The following KLF8 variants were observed in gnomAD, a reference collection of about 807,000 sequenced individuals.
KLF8 encodes the protein KLF transcription factor 8.
KLF8 carries 10 observed loss-of-function variants against 18.2 expected under a neutral mutation model. The ratio of observed to expected loss-of-function variants is 0.55; its 90% CI spans 0.34 to 0.93. KLF8 has a LOEUF of 0.93. KLF8 is among the 40% of genes least tolerant of loss of function. The pLI is 0.02. For synonymous variants in KLF8, 109 were observed against 97.3 expected, an observed-to-expected ratio of 1.12 and a Z score of -0.71; for missense variants, 264 against 277.9, an observed-to-expected ratio of 0.95 and a Z score of 0.36.
the KLF8 span, among the ~76,000 whole-genome samples, chrX:56,053,290 T>A: frequency 8.9e-6 from 1 of 112,028 alleles, no homozygotes; most frequent in Non-Finnish European, 1.9e-5. Context: ...CTATTTTTTG[T>A]TTTGTTTATA....
At chrX:55,915,093 G>A in the KLF8 span, among the ~76,000 whole-genome samples, 2 of 110,787 alleles carry the variant, frequency 1.8e-5, no homozygotes, top group African/African-American at 6.6e-5. Context: ...CTGGTACTTT[G>A]TGGGAGTCTG....
chrX:56,160,033 T>C, the KLF8 span, among the ~76,000 whole-genome samples: 1 of 112,090 alleles, frequency 8.9e-6, no homozygotes, highest in Non-Finnish European at 1.9e-5. Flanking sequence ...TTTAGTGCTA[T>C]AAATTTCCCT....
At chrX:56,216,526 A>ATTTG in the KLF8 span, among the ~76,000 whole-genome samples, 1 of 102,449 alleles carries the variant, frequency 9.8e-6, no homozygotes, top group East Asian at 3.0e-4. Flanking sequence ...TTATTTATTT[A>ATTTG]TTTATTTATT....
chrX:56,065,042 A>T, the KLF8 span, among the ~76,000 whole-genome samples: 2 of 111,466 alleles, frequency 1.8e-5, no homozygotes, highest in Non-Finnish European at 3.8e-5. Context: ...GACTTTTTAC[A>T]GTTTGACTGT....
At chrX:56,240,032 C>G (rs1307398218) in intron 1 of KLF8, among the ~76,000 whole-genome samples, 1 of 112,290 alleles carries the variant, frequency 8.9e-6, no homozygotes, top group African/African-American at 3.2e-5. Flanking sequence ...GCGGTTGTTT[C>G]ATCTTCAGTT....
the KLF8 span, among the ~76,000 whole-genome samples, chrX:56,058,279 C>CATATATATATATATATATATAT: frequency 5.5e-4 from 4 of 7,293 alleles, no homozygotes; most frequent in African/African-American, 9.6e-4. Context: ...CATATATATA[C>CATATATATATATATATATATAT]ATATATATAT....
upstream of KLF8, among the ~76,000 whole-genome samples, chrX:56,227,662 T>A (rs2066378293): frequency 8.9e-6 from 1 of 111,756 alleles, no homozygotes; most frequent in Non-Finnish European, 1.9e-5. Flanking sequence ...TTTTCTTGTA[T>A]ACACAATAGA....
chrX:56,286,433 G>A lies in KLF8; in HGVS notation c.*1939G>A, dbSNP rs1224242821. The A allele has an allele frequency of 8.9e-6, 1 of 112,374 alleles. No individual in the cohort carries two copies. The highest frequency in any genetic ancestry group is 1.9e-5 in the Non-Finnish European group (1 of 53,294). The allele number at this position is 112,374 out of a possible 1,213,427, so 9.3% of individuals were successfully genotyped here. A position where few individuals can be genotyped will look rare whatever the true frequency, so the allele number is the denominator to read the frequency against. On this transcript the variant is annotated 3_prime_UTR_variant, in exon 6 of 6. Transcript: ENST00000468660. ...CTCCCAAAGTGCTGGGATCACAGGT[G>A]TGAGTCACCACACCTGGCCAGGATC... is the stretch of plus-strand genomic sequence containing the variant.
chrX:56,184,018 G>T, the KLF8 span, among the ~76,000 whole-genome samples: 1 of 110,643 alleles, frequency 9.0e-6, no homozygotes, highest in Non-Finnish European at 1.9e-5. Context: ...CAGACAGTTG[G>T]CACAGGACAG....
chrX:55,914,304 A>T, the KLF8 span, among the ~76,000 whole-genome samples: 1 of 111,880 alleles, frequency 8.9e-6, no homozygotes, highest in Non-Finnish European at 1.9e-5. Flanking sequence ...AGAACCCTCT[A>T]TGTAGTCAGC....
chrX:55,997,280 C>A, the KLF8 span, among the ~76,000 whole-genome samples: 1 of 111,937 alleles, frequency 8.9e-6, no homozygotes. Flanking sequence ...TTAGCCAGTG[C>A]GGATGGGCAT....
the KLF8 span, among the ~76,000 whole-genome samples, chrX:56,144,961 T>A: frequency 9.4e-6 from 1 of 106,769 alleles, no homozygotes; most frequent in African/African-American, 3.4e-5. Context: ...CCCGGCTAAT[T>A]TTTGTATTTT....
chrX:55,970,208 G>C, the KLF8 span, among the ~76,000 whole-genome samples: 1 of 110,677 alleles, frequency 9.0e-6, no homozygotes, highest in Non-Finnish European at 1.9e-5. Context: ...TCAGTAATAC[G>C]TTAAAAAGAT....
At chrX:56,030,348 G>A in the KLF8 span, among the ~76,000 whole-genome samples, 1 of 111,486 alleles carries the variant, frequency 9.0e-6, no homozygotes, top group South Asian at 3.8e-4. Context: ...TAGCCATTTA[G>A]TTGCTGCCTG....
chrX:56,209,698 G>A, the KLF8 span, among the ~76,000 whole-genome samples: 1 of 111,378 alleles, frequency 9.0e-6, no homozygotes, highest in Non-Finnish European at 1.9e-5. Context: ...TTTTGTTTTT[G>A]TTGTCTTCTC....
chrX:56,079,941 G>C, the KLF8 span, among the ~76,000 whole-genome samples: 1 of 111,123 alleles, frequency 9.0e-6, no homozygotes, highest in Non-Finnish European at 1.9e-5. Context: ...TTGGTTTAAA[G>C]TCTGTTTTAT....
rs181723334 is a variant in KLF8 at position 56,265,587 on chromosome X, C to A, written c.489C>A (p.Ile163=). 4 of 1,210,205 alleles carry A rather than the reference C, an allele frequency of 3.3e-6. No homozygotes were observed. The highest frequency in any genetic ancestry group is 3.5e-5 in the African/African-American group (2 of 57,295). Residue 163 remains isoleucine (I), a synonymous_variant, in exon 3 of 6, where the codon ATC becomes ATA. Transcript: ENST00000468660. ...SQQILHVIHT[I]PSVSLPNKMG... ...AGATCTTACATGTCATTCACACTAT[C>A]CCCTCAGTCAGTCTGCCAAATAAGA...
chrX:56,038,481 T>G, the KLF8 span, among the ~76,000 whole-genome samples: 1 of 112,218 alleles, frequency 8.9e-6, no homozygotes, highest in Non-Finnish European at 1.9e-5. Flanking sequence ...TGTTTTACTT[T>G]TCCTGCATTA....
At chrX:55,952,107 A>G in the KLF8 span, among the ~76,000 whole-genome samples, 2 of 111,741 alleles carry the variant, frequency 1.8e-5, no homozygotes, top group African/African-American at 6.5e-5. Flanking sequence ...CATTGTTGCA[A>G]TTTTTACTGC....
Sources: allele counts gnomAD v4.1 joint callset (sites outside exome capture counted in the v4.1 genomes callset), GRCh38; gene constraint gnomAD v4.1.1; transcripts MANE v1.5; gene names NCBI Gene and HGNC (gene_info 2026-07-23, HGNC 2026-07-21).